KCNQ3: variants seen among roughly 807,000 people sequenced by gnomAD.
KCNQ3 encodes the protein potassium voltage-gated channel subfamily Q member 3, also known as potassium voltage-gated channel subfamily KQT member 3.
Under a neutral mutation model 92.5 loss-of-function variants are expected in KCNQ3, and 30 were observed. That is an observed-to-expected ratio of 0.32 (90% CI 0.24 to 0.44). KCNQ3 has a LOEUF of 0.44. KCNQ3 is among the 20% of genes least tolerant of loss of function. The pLI, the probability that KCNQ3 is intolerant of heterozygous loss-of-function variation, is 1.00. For synonymous variants in KCNQ3, 450 were observed against 468.8 expected (o/e 0.96, Z 0.52); for missense variants, 913 against 1,140.3 (o/e 0.80, Z 2.87).
At chr8:132,220,820 A>ATT (rs879336344) in intron 1 of KCNQ3, among the ~76,000 whole-genome samples, 1 of 145,698 alleles carries the variant, frequency 6.9e-6, no homozygotes, top group African/African-American at 2.6e-5. Flanking sequence ...ACTTTTTTTT[A>ATT]TTTTTTTTAT....
At position 132,480,396 on chromosome 8, in the gene KCNQ3, G is replaced by A. The variant is rs1452782861; in HGVS notation, c.137C>T (p.Ala46Val). Residue 46 changes from alanine (A) to valine (V), a missense_variant, in exon 1 of 15, where the codon GCG becomes GTG. Ala to Val is a moderately conservative substitution (Grantham distance 64). This residue lies in a region of KCNQ3 where 183 missense variants were observed against 167.7 expected (regional missense o/e 1.09). Transcript: ENST00000388996. The stretch of plus-strand genomic sequence containing the variant: ...GGTGACTTGCTCCACGTCGCCGGGC[G>A]CCAGCCCCACTTTCCGCTCCTCGTC... The part of the protein sequence containing the change: ...AGDEERKVGL[A>V]PGDVEQVTLA... The A allele has an allele frequency of 1.9e-6, 3 of 1,543,268 alleles. No homozygotes were observed. Among genetic ancestry groups the A allele is most frequent in the Non-Finnish European group, 2.6e-6 (3 of 1,153,514 alleles).
At chr8:132,323,700 C>T (rs985746627) in intron 1 of KCNQ3, among the ~76,000 whole-genome samples, 1 of 152,120 alleles carries the variant, frequency 6.6e-6, no homozygotes, top group Non-Finnish European at 1.5e-5. Context: ...TTTCTACTAT[C>T]TGTCACCTTT....
intron 9 of KCNQ3, among the ~76,000 whole-genome samples, chr8:132,148,625 T>C (rs1295420806): frequency 3.3e-5 from 5 of 152,244 alleles, no homozygotes; most frequent in Admixed American, 2.6e-4. Context: ...AGATTAGCAG[T>C]TGAATCAGTA....
chr8:132,177,176 C>A (rs923126079), intron 4 of KCNQ3, among the ~76,000 whole-genome samples: 6 of 152,208 alleles, frequency 3.9e-5, no homozygotes, highest in African/African-American at 1.4e-4. Flanking sequence ...TTGTCTGTTT[C>A]TGTGTGCACA....
intron 1 of KCNQ3, among the ~76,000 whole-genome samples, chr8:132,441,277 G>C (rs1326207085): frequency 6.6e-6 from 1 of 152,256 alleles, no homozygotes; most frequent in African/African-American, 2.4e-5. Flanking sequence ...TAGGCCAGGT[G>C]CAGTGGCTCA....
intron 1 of KCNQ3, among the ~76,000 whole-genome samples, chr8:132,426,727 A>G (rs1821122569): frequency 6.6e-6 from 1 of 152,170 alleles, no homozygotes; most frequent in South Asian, 2.1e-4. Flanking sequence ...AAGAATAAAA[A>G]CTTCCTTGCC....
intron 1 of KCNQ3, among the ~76,000 whole-genome samples, chr8:132,249,697 G>A (rs762855869): frequency 2.6e-5 from 4 of 152,186 alleles, no homozygotes; most frequent in African/African-American, 4.8e-5. Context: ...ACTGGGCACC[G>A]CAGAGCAGGG....
At chr8:132,168,552 G>A (rs927029648) in intron 8 of KCNQ3, among the ~76,000 whole-genome samples, 7 of 152,064 alleles carry the variant, frequency 4.6e-5, no homozygotes, top group African/African-American at 9.7e-5. Flanking sequence ...TGGTGATCAG[G>A]GGCCCAATCT....
chr8:132,134,212 C>T, intron 13 of KCNQ3, 78 bp downstream of exon 13: 1 of 1,048,866 alleles, frequency 9.5e-7, no homozygotes. Context: ...CATAAAGGAC[C>T]CCAGCAGAGG....
intron 1 of KCNQ3, among the ~76,000 whole-genome samples, chr8:132,250,518 A>C (rs1285613887): frequency 4.6e-5 from 7 of 152,136 alleles, no homozygotes; most frequent in Non-Finnish European, 1.5e-5. Context: ...TCATAGTCTT[A>C]ATTTTCTGGG....
chr8:132,237,407 T>C (rs36024812), intron 1 of KCNQ3, among the ~76,000 whole-genome samples: 66,951 of 152,102 alleles, frequency 0.44, 17,136 homozygotes, highest in East Asian at 0.72. Context: ...CAGGAACTAG[T>C]ATTTTCATCT....
chr8:132,196,462 A>G (rs1333584704), intron 1 of KCNQ3, among the ~76,000 whole-genome samples: 1 of 152,236 alleles, frequency 6.6e-6, no homozygotes, highest in East Asian at 1.9e-4. Context: ...AATGATGAAC[A>G]GAGCACATCA....
chr8:132,247,682 C>T (rs1815226135), intron 1 of KCNQ3, among the ~76,000 whole-genome samples: 1 of 151,562 alleles, frequency 6.6e-6, no homozygotes, highest in Non-Finnish European at 1.5e-5. Context: ...CCTGTAATCC[C>T]AGCTACTCGG....
intron 1 of KCNQ3, among the ~76,000 whole-genome samples, chr8:132,333,904 C>T (rs1047501565): frequency 6.6e-6 from 1 of 151,902 alleles, no homozygotes; most frequent in East Asian, 1.9e-4. Context: ...CAGCTAATTT[C>T]TGTACTTTAG....
At chr8:132,472,143 T>A (rs1228378565) in intron 1 of KCNQ3, among the ~76,000 whole-genome samples, 3 of 152,088 alleles carry the variant, frequency 2.0e-5, no homozygotes, top group Admixed American at 1.3e-4. Flanking sequence ...GAAAAGGAAT[T>A]CTTACATACT....
At chr8:132,227,956 G>A (rs745451938) in intron 1 of KCNQ3, among the ~76,000 whole-genome samples, 2 of 151,858 alleles carry the variant, frequency 1.3e-5, no homozygotes, top group Non-Finnish European at 1.5e-5. Context: ...GCTCAAAGAA[G>A]TGAAGAAACA....
rs1468896961 is a variant in KCNQ3, at chr8:132,374,789, G to A, written c.386+105358C>T. On this transcript the variant is annotated intron_variant, in intron 1 of 14. Coordinates refer to ENST00000388996, the MANE Select transcript of KCNQ3 (RefSeq NM_004519.4). ...CAGAAAACGTGGTATCTGGTTTTCT[G>A]TTCCTGGGTTAGTTTGCTGAGTATG... 2.0e-5 allele frequency among the ~76,000 whole-genome samples: 3 copies of A among 152,086 alleles called. No homozygotes were observed. In the East Asian group the frequency reaches 5.8e-4, roughly 29 times the overall value.
chr8:132,131,691 A>C (rs1824883563), intron 14 of KCNQ3, among the ~76,000 whole-genome samples: 2 of 152,212 alleles, frequency 1.3e-5, no homozygotes, highest in African/African-American at 4.8e-5. Flanking sequence ...CAATTAATTA[A>C]CTTGCACGTG....
chr8:132,328,417 G>A (rs1381464625), intron 1 of KCNQ3, among the ~76,000 whole-genome samples: 2 of 152,130 alleles, frequency 1.3e-5, no homozygotes, highest in Admixed American at 6.5e-5. Context: ...CATAATTAGA[G>A]AGACAAGATG....
Sources: allele counts gnomAD v4.1 joint callset (sites outside exome capture counted in the v4.1 genomes callset), GRCh38; gene constraint gnomAD v4.1.1; regional missense constraint gnomAD v4.1.1; transcripts MANE v1.5; gene names NCBI Gene and HGNC (gene_info 2026-07-23, HGNC 2026-07-21).